The following KCNQ4 variants were observed in gnomAD, a reference collection of about 807,000 sequenced individuals.
KCNQ4 encodes the protein potassium voltage-gated channel subfamily KQT member 4.
A neutral mutation model predicts 72.6 loss-of-function variants in KCNQ4; 31 were observed. That is an observed-to-expected ratio of 0.43 (90% CI 0.32 to 0.58). The LOEUF is 0.58. Ranked by LOEUF, KCNQ4 falls within the 20% of genes least tolerant of loss-of-function variation. The pLI, the probability that KCNQ4 is intolerant of heterozygous loss-of-function variation, is 0.08. For synonymous variants in KCNQ4, 405 were observed against 403.7 expected, an observed-to-expected ratio of 1.00 and a Z score of -0.04; for missense variants, 869 against 962.6, an observed-to-expected ratio of 0.90 and a Z score of 1.29.
rs749155342 is a variant in KCNQ4, at chr1:40,831,313, C to G, written c.1513+9C>G. 4 of 1,581,602 alleles carry G rather than the reference C, an allele frequency of 2.5e-6. 1 individual carries two copies. The South Asian group carries it at 3.5e-5, about 14-fold the overall frequency. ...CCGCACCTCTGCTGAGGGTAAGCCC[C>G]CGGGGGGCTGAGTCCGATCGAGGGC... On this transcript the variant is annotated intron_variant, in intron 10 of 13. Coordinates refer to ENST00000347132, the MANE Select transcript of KCNQ4 (RefSeq NM_004700.4).
intron 4 of KCNQ4, chr1:40,818,958 G>C: frequency 3.4e-6 from 2 of 593,684 alleles, no homozygotes; most frequent in South Asian, 4.0e-5. Flanking sequence ...TGGGTTTGAA[G>C]GGACCACTCG....
rs762957513 is a variant in KCNQ4, at chr1:40,818,178, C to T, written c.420C>T (p.Ile140=). ...ECLLILEFVM[I]VVFGLEYIVR... is the part of the protein sequence containing the mutation. ...TGGTCCCACAGGAATTCGTGATGAT[C>T]GTGGTTTTCGGCTTGGAGTACATCG... The change falls in exon 3 of 14, where the codon ATC becomes ATT. Residue 140 remains isoleucine, a synonymous_variant. Coordinates refer to ENST00000347132, the MANE Select transcript of KCNQ4 (RefSeq NM_004700.4). The T allele has an allele frequency of 1.9e-6, 3 of 1,613,906 alleles. No homozygotes were observed. The highest frequency in any genetic ancestry group is 1.7e-5 in the Admixed American group (1 of 60,002).
intron 9 of KCNQ4, among the ~76,000 whole-genome samples, chr1:40,827,589 T>C (rs1648518829): frequency 6.6e-6 from 1 of 152,182 alleles, no homozygotes; most frequent in Admixed American, 6.5e-5. Context: ...CATGGAGTCC[T>C]GGGTTTCCAA....
chr1:40,826,669 C>T (rs972742069), intron 9 of KCNQ4: 8 of 455,808 alleles, frequency 1.8e-5, no homozygotes, highest in Admixed American at 9.4e-5. Flanking sequence ...GAGTTTCTTT[C>T]GGATCCACGC....
At chr1:40,791,697 G>A (rs1647287888) in intron 1 of KCNQ4, among the ~76,000 whole-genome samples, 1 of 152,186 alleles carries the variant, frequency 6.6e-6, no homozygotes, top group Non-Finnish European at 1.5e-5. Flanking sequence ...CTAGCCTAAA[G>A]GATGGAGGGA....
At chr1:40,787,446 C>T (rs898317172) in intron 1 of KCNQ4, among the ~76,000 whole-genome samples, 1 of 152,134 alleles carries the variant, frequency 6.6e-6, no homozygotes, top group African/African-American at 2.4e-5. Context: ...CTAGGGTATG[C>T]CTCCCTCCCA....
At chr1:40,832,675 T>C (rs1156747619) in intron 10 of KCNQ4, among the ~76,000 whole-genome samples, 2 of 152,316 alleles carry the variant, frequency 1.3e-5, no homozygotes, top group African/African-American at 4.8e-5. Flanking sequence ...TCTCTGGGGC[T>C]CACTGTTCTG....
rs1648941526 is a variant in KCNQ4, at chr1:40,840,380, G to A, written c.*1857G>A. 1 of 152,216 alleles carries A rather than the reference G, an allele frequency of 6.6e-6. No individual in the cohort carries two copies. The highest frequency in any genetic ancestry group is 2.1e-4 in the South Asian group (1 of 4,830). The allele number at this position is 152,216 out of a possible 1,614,324, so 9.4% of individuals were successfully genotyped here. ...ACGATCGAGGTTCCGCCATCAACTCGGTTCTCGGATATGCAAGTACCTCAC... is the reference window on the plus strand; with the variant it reads ...ACGATCGAGGTTCCGCCATCAACTCAGTTCTCGGATATGCAAGTACCTCAC... On this transcript the variant is annotated 3_prime_UTR_variant, in exon 14 of 14. Coordinates refer to ENST00000347132, the MANE Select transcript of KCNQ4 (RefSeq NM_004700.4).
chr1:40,796,794 T>C (rs1472460378), intron 1 of KCNQ4, among the ~76,000 whole-genome samples: 1 of 152,098 alleles, frequency 6.6e-6, no homozygotes, highest in Admixed American at 6.5e-5. Flanking sequence ...GGTGCGCACC[T>C]ATAGTCCCAG....
chr1:40,796,746 G>A (rs367831424), intron 1 of KCNQ4, among the ~76,000 whole-genome samples: 23 of 152,102 alleles, frequency 1.5e-4, no homozygotes, highest in African/African-American at 4.3e-4. Context: ...GTGAAACCCC[G>A]TCTCTACTGA....
At chr1:40,785,888 G>A (rs1647197514) in intron 1 of KCNQ4, among the ~76,000 whole-genome samples, 1 of 152,114 alleles carries the variant, frequency 6.6e-6, no homozygotes, top group African/African-American at 2.4e-5. Context: ...TGCGTTGGGG[G>A]TGGCAACCTT....
At chr1:40,819,803 C>T in intron 5 of KCNQ4, 72 bp from the exon 6 acceptor site, 2 of 1,232,480 alleles carry the variant, frequency 1.6e-6, no homozygotes, top group South Asian at 1.2e-5. Flanking sequence ...AGGCTCCTAC[C>T]TGCCTGTACC....
At chr1:40,823,990 T>C (rs1648393533) in intron 8 of KCNQ4, 107 bp from the exon 9 acceptor site, 4 of 1,335,928 alleles carry the variant, frequency 3.0e-6, no homozygotes, top group Non-Finnish European at 4.2e-6. Flanking sequence ...TGAACACCTC[T>C]AGAGCAGCAG....
In KCNQ4 at chr1:40,822,368, T is replaced by C. The variant is rs1648327326; in HGVS notation, c.1096T>C (p.Trp366Arg). The change falls in exon 8 of 14, where the codon TGG becomes CGG. Residue 366 changes from tryptophan to arginine, a missense_variant. By Grantham distance (101) the Trp-to-Arg change is moderately radical. Around this residue, in one of 5 missense-constraint regions of KCNQ4, gnomAD observed 480 missense variants for 501.9 expected, o/e 0.96. Coordinates refer to ENST00000347132, the MANE Select transcript of KCNQ4 (RefSeq NM_004700.4). ...DMSRAYLTATWYYYDSILPSF... is the reference protein window; with the variant it reads ...DMSRAYLTATRYYYDSILPSF... ...GAGCCGGGCCTACCTGACAGCCACC[T>C]GGTACTACTATGACAGTATCCTCCC... is the stretch of plus-strand genomic sequence containing the variant. 2 of 1,598,224 alleles carry C rather than the reference T, an allele frequency of 1.3e-6. No homozygotes were observed. Among genetic ancestry groups the C allele is most frequent in the Non-Finnish European group, 1.7e-6 (2 of 1,175,456 alleles).
At chr1:40,801,801 C>T (rs1028280200) in intron 1 of KCNQ4, among the ~76,000 whole-genome samples, 9 of 152,204 alleles carry the variant, frequency 5.9e-5, no homozygotes, top group Admixed American at 2.6e-4. Context: ...GCACCTGTCT[C>T]TGTAAGAACA....
chr1:40,795,513 T>A (rs1647386873), intron 1 of KCNQ4, among the ~76,000 whole-genome samples: 1 of 152,038 alleles, frequency 6.6e-6, no homozygotes, highest in Admixed American at 6.6e-5. Context: ...TTTCCCACCC[T>A]GGCCTCCCAA....
chr1:40,815,926 AC>A (rs1175185933), intron 1 of KCNQ4, among the ~76,000 whole-genome samples: 1 of 152,188 alleles, frequency 6.6e-6, no homozygotes, highest in Non-Finnish European at 1.5e-5. Context: ...TCACCACGAA[AC>A]ATGAATATAA....
In KCNQ4 at chr1:40,820,199, A is replaced by G. The variant is rs1209671583; in HGVS notation, c.980A>G (p.Gln327Arg). Residue 327 changes from glutamine (Q) to arginine (R), a missense_variant, in exon 7 of 14, where the codon CAG becomes CGG. Gln to Arg is a conservative substitution (Grantham distance 43, BLOSUM62 1). Coordinates refer to ENST00000347132, the MANE Select transcript of KCNQ4 (RefSeq NM_004700.4). ...ILGSGFALKV[Q>R]EQHRQKHFEK... The stretch of plus-strand genomic sequence containing the variant: ...GGCTCCGGCTTTGCCCTGAAGGTCC[A>G]GGAGCAGCACCGGCAGAAGCACTTC... 2 of 1,610,930 alleles carry G rather than the reference A, an allele frequency of 1.2e-6. No homozygotes were observed. Among genetic ancestry groups the G allele is most frequent in the Non-Finnish European group, 1.7e-6 (2 of 1,178,692 alleles).
At chr1:40,818,395 C>G in intron 3 of KCNQ4, 105 bp downstream of exon 3, 2 of 1,567,388 alleles carry the variant, frequency 1.3e-6, no homozygotes, top group Non-Finnish European at 1.7e-6. Flanking sequence ...ACAGATTCAG[C>G]GGACCCTCCC....
Sources: gnomAD v4.1 joint callset for allele counts (sites outside exome capture counted in the v4.1 genomes callset) on GRCh38, gnomAD v4.1.1 for gene constraint, gnomAD v4.1.1 regional missense constraint, MANE v1.5 for transcripts, NCBI Gene and HGNC (gene_info 2026-07-23, HGNC 2026-07-21) for gene names.